Variants in NUDT19 observed in about 807,000 individuals in gnomAD.
NUDT19 encodes nudix hydrolase 19, also known as acyl-coenzyme A diphosphatase NUDT19.
NUDT19 carries 31 observed loss-of-function variants against 22.2 expected under a neutral mutation model. The ratio of observed to expected loss-of-function variants is 1.40; its 90% CI spans 1.05 to 1.89. The LOEUF (loss-of-function observed/expected upper bound fraction) is 1.89. Ranked by LOEUF, NUDT19 falls within the 40% of genes most tolerant of loss-of-function variation. The pLI, the probability that NUDT19 is intolerant of heterozygous loss-of-function variation, is 0.00. For missense variants in NUDT19, 752 were observed against 514.2 expected (o/e 1.46, Z -4.47); for synonymous variants, 325 against 230.8 (o/e 1.41, Z -3.70).
At position 32,709,201 on chromosome 19, in the gene NUDT19, A is replaced by G; in HGVS notation, c.731A>G (p.Glu244Gly). The change falls in exon 2 of 3, where the codon GAG becomes GGG. Residue 244 changes from glutamate (E) to glycine (G), a missense_variant. Glu to Gly is a moderately conservative substitution (Grantham distance 98). Transcript: ENST00000397061. ...VVGYQWSSPS[E>G]ATESFLSKEI... ...CTTTCACAGTGGTCATCTCCATCAG[A>G]GGCAACTGAAAGTTTCTTATCAAAA... 6.2e-7 allele frequency: 1 copy of G among 1,612,856 alleles called. No homozygotes were observed. The highest frequency in any genetic ancestry group is 8.5e-7 in the Non-Finnish European group (1 of 1,179,320).
chr19:32,692,696 G>A, intron 1 of NUDT19, 22 bp downstream of exon 1: 1 of 1,434,718 alleles, frequency 7.0e-7, no homozygotes, highest in South Asian at 1.5e-5. Context: ...TCAGGGCCTT[G>A]CTGCGGACCG....
intron 1 of NUDT19, among the ~76,000 whole-genome samples, chr19:32,699,329 TA>T (rs1171883324): frequency 6.6e-6 from 1 of 152,136 alleles, no homozygotes; most frequent in Non-Finnish European, 1.5e-5. Flanking sequence ...TCAGGATAGA[TA>T]GGATAGATGG....
intron 1 of NUDT19, among the ~76,000 whole-genome samples, chr19:32,693,242 C>T (rs1288462837): frequency 1.3e-5 from 2 of 152,136 alleles, no homozygotes; most frequent in Admixed American, 6.6e-5. Context: ...TCAGATGTGT[C>T]TGGAGTTTCT....
rs1188973369 is a variant in NUDT19, at chr19:32,713,772, A to T, written c.*1815A>T. Reference sequence around the variant, plus strand: ...TATAACATAAAGACAATGATGAATAAAGTTTATGTGTATGATTAAATCCAG... The same window carrying T: ...TATAACATAAAGACAATGATGAATATAGTTTATGTGTATGATTAAATCCAG... On this transcript the variant is annotated 3_prime_UTR_variant, in exon 3 of 3. Coordinates refer to ENST00000397061, the MANE Select transcript of NUDT19 (RefSeq NM_001105570.2). 6.6e-6 allele frequency: 1 copy of T among 152,184 alleles called. No individual in the cohort carries two copies. Among genetic ancestry groups the T allele is most frequent in the Non-Finnish European group, 1.5e-5 (1 of 68,050 alleles). 9.4% of individuals were successfully genotyped at this position (152,184 alleles called of 1,614,324 possible).
intron 1 of NUDT19, among the ~76,000 whole-genome samples, chr19:32,699,656 G>C (rs145747028): frequency 2.6e-3 from 402 of 152,322 alleles, no homozygotes; most frequent in African/African-American, 9.2e-3. Context: ...GGACAGAATA[G>C]CAAGCGAAAG....
intron 1 of NUDT19, among the ~76,000 whole-genome samples, chr19:32,698,013 G>A (rs572657154): frequency 1.1e-4 from 17 of 152,240 alleles, no homozygotes; most frequent in Non-Finnish European, 1.5e-4. Context: ...TCTGGGCAGC[G>A]GACATTAGAG....
intron 1 of NUDT19, among the ~76,000 whole-genome samples, chr19:32,698,852 T>A (rs1340038528): frequency 6.6e-6 from 1 of 152,202 alleles, no homozygotes; most frequent in African/African-American, 2.4e-5. Flanking sequence ...GTTGGAGTCC[T>A]AAGCATTCTC....
chr19:32,711,685 A>G (rs758165181), intron 2 of NUDT19, 67 bp from the exon 3 acceptor site: 7 of 882,456 alleles, frequency 7.9e-6, no homozygotes, highest in Non-Finnish European at 1.3e-5. Context: ...TTAAAATTTT[A>G]TACTTTCTGC....
intron 1 of NUDT19, among the ~76,000 whole-genome samples, chr19:32,696,867 A>G (rs1377962418): frequency 1.3e-5 from 2 of 152,094 alleles, no homozygotes; most frequent in East Asian, 3.9e-4. Context: ...CAATGGTTAT[A>G]CATACCCAGG....
intron 1 of NUDT19, among the ~76,000 whole-genome samples, chr19:32,703,648 C>CCTTTTTTTTTTTTTTTTTTTT (rs1968357798): frequency 1.5e-5 from 1 of 68,344 alleles, no homozygotes; most frequent in Non-Finnish European, 2.7e-5. Context: ...TGTGCCCAGC[C>CCTTTTTTTTTTTTTTTTTTTT]TTTTTTTTTT....
chr19:32,700,671 C>A (rs531519300), intron 1 of NUDT19, among the ~76,000 whole-genome samples: 2 of 152,112 alleles, frequency 1.3e-5, no homozygotes, highest in Admixed American at 1.3e-4. Context: ...CTCAAGCGAC[C>A]GTCCAGCTTC....
chr19:32,705,423 CA>C (rs1006377161), intron 1 of NUDT19, among the ~76,000 whole-genome samples: 70 of 133,462 alleles, frequency 5.2e-4, no homozygotes, highest in Admixed American at 8.4e-4. Context: ...GACTCTGTCT[CA>C]AAAAAAAAAA....
chr19:32,698,957 A>C (rs1259586810), intron 1 of NUDT19, among the ~76,000 whole-genome samples: 1 of 152,224 alleles, frequency 6.6e-6, no homozygotes, highest in Non-Finnish European at 1.5e-5. Flanking sequence ...AGGGATCTCC[A>C]GAGTTGGAAG....
intron 1 of NUDT19, among the ~76,000 whole-genome samples, chr19:32,707,835 G>A (rs1397187040): frequency 5.9e-5 from 9 of 151,838 alleles, no homozygotes; most frequent in Admixed American, 2.0e-4. Context: ...AAAATTAGCC[G>A]GGCGTGGTGG....
intron 1 of NUDT19, among the ~76,000 whole-genome samples, chr19:32,702,783 T>C (rs1968349326): frequency 6.6e-6 from 1 of 152,236 alleles, no homozygotes; most frequent in South Asian, 2.1e-4. Context: ...ATTTGTACTG[T>C]TTTTCTTATG....
At chr19:32,704,590 T>A (rs1968368625) in intron 1 of NUDT19, among the ~76,000 whole-genome samples, 2 of 152,226 alleles carry the variant, frequency 1.3e-5, no homozygotes, top group Admixed American at 6.5e-5. Flanking sequence ...ATTTCTTTCA[T>A]CATGTTGATC....
In NUDT19 at chr19:32,709,314, G is replaced by A. The variant is rs370801844; in HGVS notation, c.844G>A (p.Gly282Ser). 7.1e-5 allele frequency: 115 copies of A among 1,613,966 alleles called. 1 individual carries two copies. In the Middle Eastern group the frequency reaches 8.2e-4, roughly 12 times the overall value. The change falls in exon 2 of 3, where the codon GGT (glycine) becomes AGT (serine). Residue 282 changes from glycine to serine, a missense_variant. Physicochemically the swap from Gly to Ser is moderately conservative, Grantham distance 56. Coordinates refer to ENST00000397061, the MANE Select transcript of NUDT19 (RefSeq NM_001105570.2). ...SLSDLHKFCL[G>S]RALEGLERWL... ...CTCTGACTTGCACAAATTTTGTTTGGGTCGTGCATTAGAAGGACTGGAAAG... is the reference window on the plus strand; with the variant it reads ...CTCTGACTTGCACAAATTTTGTTTGAGTCGTGCATTAGAAGGACTGGAAAG...
Position 32,692,116 on chromosome 19 carries a change from C to T in NUDT19, c.156C>T (p.His52=). 6.9e-7 allele frequency: 1 copy of T among 1,449,372 alleles called. No individual in the cohort carries two copies. The highest frequency in any genetic ancestry group is 9.0e-7 in the Non-Finnish European group (1 of 1,110,056). The allele number at this position is 1,449,372 out of a possible 1,614,324, so 89.8% of individuals were successfully genotyped here. A position where few individuals can be genotyped will look rare whatever the true frequency, so the allele number is the denominator to read the frequency against. The part of the protein sequence containing the change: ...FRLLLLQRSP[H]QGFMPGAHVF... ...TGCTGCTGCTGCAGCGCTCCCCGCACCAAGGCTTCATGCCGGGCGCGCACG... is the reference window on the plus strand; with the variant it reads ...TGCTGCTGCTGCAGCGCTCCCCGCATCAAGGCTTCATGCCGGGCGCGCACG... The change falls in exon 1 of 3, where the codon CAC becomes CAT. Residue 52 remains histidine (H), a synonymous_variant. Transcript: ENST00000397061.
intron 1 of NUDT19, among the ~76,000 whole-genome samples, chr19:32,706,439 C>A (rs997659648): frequency 1.3e-5 from 2 of 152,158 alleles, no homozygotes; most frequent in African/African-American, 4.8e-5. Flanking sequence ...AATCCCAACC[C>A]CTTGGGGGCC....
Sources: gnomAD v4.1 joint callset for allele counts (sites outside exome capture counted in the v4.1 genomes callset) on GRCh38, gnomAD v4.1.1 for gene constraint, MANE v1.5 for transcripts, NCBI Gene and HGNC (gene_info 2026-07-23, HGNC 2026-07-21) for gene names.